The following ENG variants were observed in gnomAD, a reference collection of about 807,000 sequenced individuals.
ENG encodes endoglin, also known as CD105 antigen.
A neutral mutation model predicts 71.0 loss-of-function variants in ENG; 17 were observed. The observed-to-expected ratio is 0.24, with a 90% CI of 0.16 to 0.36. The LOEUF (loss-of-function observed/expected upper bound fraction) is 0.36, where lower values mean the gene tolerates loss of function less well. ENG is among the 10% of genes least tolerant of loss of function. The pLI is 1.00. For synonymous variants in ENG, 360 were observed against 366.9 expected (o/e 0.98, Z 0.21); for missense variants, 749 against 868.3 (o/e 0.86, Z 1.73).
In ENG at chr9:127,843,250, TGGAGAAACATC is replaced by T. The variant is rs1831085726; in HGVS notation, c.68-16_68-6del. 1.9e-6 allele frequency: 3 copies of T among 1,614,060 alleles called. No individual in the cohort carries two copies. The highest frequency in any genetic ancestry group is 2.5e-6 in the Non-Finnish European group (3 of 1,180,040). On this transcript the variant is annotated splice_region_variant and splice_polypyrimidine_tract_variant and intron_variant, in intron 1 of 14. Coordinates refer to ENST00000373203, the MANE Select transcript of ENG (RefSeq NM_001114753.3). ...AATGGACTGTTTCTGCAAGACCTGT[TGGAGAAACATC>T]CGGAAAGAGGCCAGGTGAGAATAAG... is the stretch of plus-strand genomic sequence containing the variant.
intron 12 of ENG, chr9:127,817,674 G>T (rs1456231765): frequency 2.9e-6 from 1 of 350,664 alleles, no homozygotes; most frequent in Non-Finnish European, 5.5e-6. Flanking sequence ...GCCTGAGAGT[G>T]GGGGTCACCA....
chr9:127,825,099 C>G (rs1417681099), intron 6 of ENG, 125 bp from the exon 7 acceptor site: 1 of 1,592,600 alleles, frequency 6.3e-7, no homozygotes, highest in Non-Finnish European at 8.6e-7. Context: ...TTCTGCCTGG[C>G]CCCTTCCCTC....
At chr9:127,845,947 G>A (rs576401282) in intron 1 of ENG, among the ~76,000 whole-genome samples, 1 of 152,074 alleles carries the variant, frequency 6.6e-6, no homozygotes, top group Non-Finnish European at 1.5e-5. Flanking sequence ...AGCTCAAGCA[G>A]TCCTCCCGCC....
Position 127,825,640 on chromosome 9 carries a change from G to A in ENG, c.689+55C>T, listed in dbSNP as rs1830593534. 20 of 1,395,522 alleles carry A rather than the reference G, an allele frequency of 1.4e-5. No homozygotes were observed. The South Asian group carries it at 2.5e-4, about 17-fold the overall frequency. The allele number at this position is 1,395,522 out of a possible 1,614,324, so 86.4% of individuals were successfully genotyped here. ...ACCGGAGAGGGGGCGGGGGGGGTCA[G>A]GGGGGTGGTCTCTCGGGGTGGGGAC... On this transcript the variant is annotated intron_variant, in intron 5 of 14. Coordinates refer to ENST00000373203, the MANE Select transcript of ENG (RefSeq NM_001114753.3).
chr9:127,826,533 C>G lies in ENG; in HGVS notation c.500G>C (p.Ser167Thr). The change falls in exon 4 of 15, where the codon AGC becomes ACC. Residue 167 changes from serine (S) to threonine (T), a missense_variant. By Grantham distance (58) the Ser-to-Thr change is moderately conservative. Coordinates refer to ENST00000373203, the MANE Select transcript of ENG (RefSeq NM_001114753.3). ...ACCTTGGCCCAGTCGGAGGAGGATG[C>G]TCTGGGGGTCATTCAGCTCAGCAGC... ...TSAAELNDPQ[S>T]ILLRLGQAQG... The G allele has an allele frequency of 6.2e-7, 1 of 1,614,090 alleles. No individual in the cohort carries two copies. Among genetic ancestry groups the G allele is most frequent in the Non-Finnish European group, 8.5e-7 (1 of 1,179,998 alleles).
At chr9:127,834,568 C>CTAG (rs1830851567) in intron 2 of ENG, among the ~76,000 whole-genome samples, 1 of 152,090 alleles carries the variant, frequency 6.6e-6, no homozygotes, top group East Asian at 1.9e-4. Context: ...CTGCGCCTGG[C>CTAG]TAGTTTTTGT....
In ENG at chr9:127,829,722, G is replaced by A; in HGVS notation, c.325C>T (p.Leu109Phe). Residue 109 changes from leucine to phenylalanine, a missense_variant, in exon 3 of 15, where the codon CTC (leucine) becomes TTC (phenylalanine). Transcript: ENST00000373203. ...LSVNSSVFLH[L>F]QALGIPLHLA... ...TGCAGTGGGATTCCCAGGGCCTGGAGATGCAGGAAGACACTGCTGTTTACA... is the reference window on the plus strand; with the variant it reads ...TGCAGTGGGATTCCCAGGGCCTGGAAATGCAGGAAGACACTGCTGTTTACA... The A allele has an allele frequency of 6.2e-7, 1 of 1,614,168 alleles. No individual in the cohort carries two copies. Among genetic ancestry groups the A allele is most frequent in the Non-Finnish European group, 8.5e-7 (1 of 1,180,032 alleles).
chr9:127,824,924 G>T lies in ENG; in HGVS notation c.867C>A (p.Gly289=). The stretch of plus-strand genomic sequence containing the variant: ...CTTGAGGTGTGTCTGGGAGCTTGAA[G>T]CCACGAATGTTTTTCTCTGGAAAGA... ...FKIFPEKNIR[G]FKLPDTPQGL... The change falls in exon 7 of 15, where the codon GGC becomes GGA. Residue 289 remains glycine (G), a synonymous_variant. Transcript: ENST00000373203. The T allele has an allele frequency of 6.2e-7, 1 of 1,614,056 alleles. No individual in the cohort carries two copies. The highest frequency in any genetic ancestry group is 8.5e-7 in the Non-Finnish European group (1 of 1,180,010).
At chr9:127,832,822 T>G (rs1345156757) in intron 2 of ENG, 3 of 152,286 alleles carry the variant, frequency 2.0e-5, no homozygotes, top group Non-Finnish European at 4.4e-5. Flanking sequence ...AATGGCGCGA[T>G]CTCGGCTCAC....
In ENG at chr9:127,818,845, G is replaced by A. The variant is rs770902350; in HGVS notation, c.1312-13C>T. 1.2e-5 allele frequency: 19 copies of A among 1,612,734 alleles called. No individual in the cohort carries two copies. The highest frequency in any genetic ancestry group is 8.0e-5 in the African/African-American group (6 of 74,918). On this transcript the variant is annotated splice_polypyrimidine_tract_variant and intron_variant, in intron 10 of 14. Transcript: ENST00000373203. ...AGTGCACCTTTTTCTGGGGGAGGAC[G>A]GGAGGGAGACTTGGTCAATCTGGCG...
At chr9:127,835,175 T>C (rs1341032892) in intron 2 of ENG, among the ~76,000 whole-genome samples, 2 of 152,032 alleles carry the variant, frequency 1.3e-5, no homozygotes, top group Admixed American at 6.6e-5. Flanking sequence ...ATTTTTATAT[T>C]TTTTGTAGAG....
chr9:127,826,459 A>G (rs1324765183), intron 4 of ENG, 51 bp downstream of exon 4: 1 of 1,609,424 alleles, frequency 6.2e-7, no homozygotes, highest in Non-Finnish European at 8.5e-7. Context: ...AGGAGCTCAG[A>G]TTCCTCCTGA....
intron 13 of ENG, 34 bp from the exon 14 acceptor site, chr9:127,816,087 C>G (rs367755236): frequency 1.9e-6 from 3 of 1,596,906 alleles, no homozygotes; most frequent in Non-Finnish European, 2.6e-6. Flanking sequence ...CACTGCCACT[C>G]TGCCCCTGCC....
intron 1 of ENG, among the ~76,000 whole-genome samples, chr9:127,851,638 T>G (rs1381807761): frequency 1.3e-5 from 2 of 151,834 alleles, no homozygotes; most frequent in Non-Finnish European, 2.9e-5. Context: ...CCCAGCACTT[T>G]GGGAGGCTGA....
At position 127,854,439 on chromosome 9, in the gene ENG, C is replaced by A; in HGVS notation, c.-84G>T. 1.4e-6 allele frequency: 2 copies of A among 1,454,942 alleles called. No individual in the cohort carries two copies. The highest frequency in any genetic ancestry group is 9.3e-7 in the Non-Finnish European group (1 of 1,073,760). The allele number at this position is 1,454,942 out of a possible 1,614,324, so 90.1% of individuals were successfully genotyped here. A position where few individuals can be genotyped will look rare whatever the true frequency, so the allele number is the denominator to read the frequency against. On this transcript the variant is annotated 5_prime_UTR_variant, in exon 1 of 15. Transcript: ENST00000373203. ...GGGCGGGCACCGGGGCCGGCGTGGG[C>A]TCGCACGGGGACCCGAGGGGAGCAG...
intron 11 of ENG, 158 bp downstream of exon 11, chr9:127,818,558 T>A: frequency 7.3e-7 from 1 of 1,373,480 alleles, no homozygotes; most frequent in Non-Finnish European, 1.0e-6. Context: ...TCAGTGTCCC[T>A]GAGCAATGCC....
chr9:127,846,843 G>A lies in ENG; in HGVS notation c.68-3598C>T. 1 of 984,644 alleles carries A rather than the reference G, an allele frequency of 1.0e-6. No homozygotes were observed. The highest frequency in any genetic ancestry group is 1.2e-6 in the Non-Finnish European group (1 of 829,286). The allele number at this position is 984,644 out of a possible 1,614,324, so 61.0% of individuals were successfully genotyped here. On this transcript the variant is annotated intron_variant, in intron 1 of 14. Transcript: ENST00000373203. The surrounding 1 kb of genome is among the most constrained non-coding windows in gnomAD (Gnocchi z 5.5). ...GGCCTGGGTGACTGGAACCCCAAGT[G>A]AGAGACCCAGAAGCCACCTCCCACC...
intron 8 of ENG, chr9:127,821,351 A>C (rs1208650633): frequency 6.6e-6 from 1 of 152,094 alleles, no homozygotes; most frequent in African/African-American, 2.4e-5. Flanking sequence ...GAATCGCTTG[A>C]ACCTGAGAGG....
intron 7 of ENG, 82 bp from the exon 8 acceptor site, chr9:127,824,528 T>A: frequency 6.8e-7 from 1 of 1,470,018 alleles, no homozygotes; most frequent in Non-Finnish European, 9.0e-7. Flanking sequence ...TTTTTTTTTT[T>A]TTTTTTTTGA....
Sources: allele counts gnomAD v4.1 joint callset (sites outside exome capture counted in the v4.1 genomes callset), GRCh38; gene constraint gnomAD v4.1.1; non-coding constraint Gnocchi (gnomAD v3.1); transcripts MANE v1.5; gene names NCBI Gene and HGNC (gene_info 2026-07-23, HGNC 2026-07-21).